HDAC4: variants seen among roughly 807,000 people sequenced by gnomAD.
HDAC4 encodes the protein histone deacetylase A.
In HDAC4, 16 loss-of-function variants were observed where a neutral mutation model predicts 135.1. That is an observed-to-expected ratio of 0.12 (90% CI 0.08 to 0.18). The LOEUF (loss-of-function observed/expected upper bound fraction) is 0.18, where lower values mean the gene tolerates loss of function less well. HDAC4 is among the 10% of genes least tolerant of loss of function. The probability of loss-of-function intolerance (pLI) is 1.00; values close to 1 mark genes in which losing one functional copy is unlikely to be tolerated. For synonymous variants in HDAC4, 685 were observed against 653.4 expected, an observed-to-expected ratio of 1.05 and a Z score of -0.74; for missense variants, 1,143 against 1,511.8, an observed-to-expected ratio of 0.76 and a Z score of 4.05.
intron 2 of HDAC4, among the ~76,000 whole-genome samples, chr2:239,267,648 AG>A (rs2049819851): frequency 6.6e-6 from 1 of 152,276 alleles, no homozygotes; most frequent in Non-Finnish European, 1.5e-5. Context: ...GCAGACCTGG[AG>A]GGCTCCACAG....
At chr2:239,212,561 C>T (rs775387471) in intron 3 of HDAC4, among the ~76,000 whole-genome samples, 1 of 152,218 alleles carries the variant, frequency 6.6e-6, no homozygotes, top group Non-Finnish European at 1.5e-5. Context: ...CTATAAAGAG[C>T]ATGTGACCCC....
intron 2 of HDAC4, among the ~76,000 whole-genome samples, chr2:239,249,686 A>C (rs58616279): frequency 0.12 from 18,212 of 151,836 alleles, 1,206 homozygotes; most frequent in Non-Finnish European, 0.15. Context: ...CCTTTACTCT[A>C]CCCGAAATCT....
At position 239,303,045 on chromosome 2, in the gene HDAC4, C is replaced by G. The variant is rs1044206324; in HGVS notation, c.22+49633G>C. Reference sequence around the variant, plus strand: ...CTGCCACCTCGGGAGTCCTCAAACCCCCCCCGGGTGGGAGAGGTCATCACC... The same window carrying G: ...CTGCCACCTCGGGAGTCCTCAAACCGCCCCCGGGTGGGAGAGGTCATCACC... On this transcript the variant is annotated intron_variant, in intron 2 of 26. Transcript: ENST00000543185. This position sits in a 1 kb window ranked among gnomAD's most constrained non-coding sequence, Gnocchi z 5.1. Among the ~76,000 whole-genome samples, 1 of 152,198 alleles carries G rather than the reference C, an allele frequency of 6.6e-6. No individual in the cohort carries two copies. The highest frequency in any genetic ancestry group is 2.4e-5 in the African/African-American group (1 of 41,460).
chr2:239,236,702 C>T lies in HDAC4; in HGVS notation c.23-38G>A, dbSNP rs367552136. ...GAAGGCACTGGCTTCAGAAACTGCG[C>T]GCATTTCAGCCAACATACTTTATGC... is the stretch of plus-strand genomic sequence containing the variant. On this transcript the variant is annotated intron_variant, in intron 2 of 26. Coordinates refer to ENST00000543185, the MANE Select transcript of HDAC4 (RefSeq NM_001378414.1). 249 of 1,470,988 alleles carry T rather than the reference C, an allele frequency of 1.7e-4. 2 individuals carry two copies. Among genetic ancestry groups the T allele is most frequent in the South Asian group, 7.9e-4 (65 of 82,442 alleles). The allele number at this position is 1,470,988 out of a possible 1,614,324, so 91.1% of individuals were successfully genotyped here. A position where few individuals can be genotyped will look rare whatever the true frequency, so the allele number is the denominator to read the frequency against.
At chr2:239,078,134 G>A (rs1005180089) in intron 22 of HDAC4, among the ~76,000 whole-genome samples, 8 of 152,124 alleles carry the variant, frequency 5.3e-5, no homozygotes, top group African/African-American at 9.7e-5. Context: ...CATCGTCATC[G>A]TCATCTCCCT....
In HDAC4 at chr2:239,178,474, C is replaced by T. The variant is rs545128813; in HGVS notation, c.340-1911G>A. ...TGTTGCCCAGGCTGGTCTCGAACTC[C>T]TGGGCTCAAGCCATTCTCCCACCTC... On this transcript the variant is annotated intron_variant, in intron 4 of 26. Transcript: ENST00000543185. Among the ~76,000 whole-genome samples the T allele has an allele frequency of 5.9e-5, 9 of 152,330 alleles. No homozygotes were observed. The South Asian group carries it at 1.5e-3, about 25-fold the overall frequency.
intron 2 of HDAC4, among the ~76,000 whole-genome samples, chr2:239,271,646 C>T (rs1195872905): frequency 1.3e-5 from 2 of 152,238 alleles, no homozygotes; most frequent in Non-Finnish European, 2.9e-5. Context: ...ATGTTACAGA[C>T]ACAAAGCCTG....
chr2:239,149,886 G>C (rs968242413), intron 7 of HDAC4, among the ~76,000 whole-genome samples: 1 of 152,040 alleles, frequency 6.6e-6, no homozygotes, highest in Non-Finnish European at 1.5e-5. Flanking sequence ...CTCTCAGGCT[G>C]CTGGGGAGGG....
intron 2 of HDAC4, among the ~76,000 whole-genome samples, chr2:239,257,358 A>T (rs2049109425): frequency 6.6e-6 from 1 of 152,196 alleles, no homozygotes. Flanking sequence ...AAGTTAAAAA[A>T]AAACAGTGAA....
At chr2:239,079,369 G>A (rs537132611) in intron 22 of HDAC4, among the ~76,000 whole-genome samples, 2 of 152,346 alleles carry the variant, frequency 1.3e-5, no homozygotes, top group South Asian at 2.1e-4. Flanking sequence ...AACTCCCACC[G>A]GCACAGCCCG....
chr2:239,097,501 C>T (rs1575014114), intron 16 of HDAC4, among the ~76,000 whole-genome samples: 2 of 152,244 alleles, frequency 1.3e-5, no homozygotes, highest in Non-Finnish European at 2.9e-5. Flanking sequence ...TAACACTTCT[C>T]GCCTGAACCT....
At chr2:239,118,065 G>A (rs1034312752) in intron 12 of HDAC4, among the ~76,000 whole-genome samples, 2 of 152,114 alleles carry the variant, frequency 1.3e-5, no homozygotes, top group Admixed American at 6.5e-5. Context: ...CGTATCAGAC[G>A]ACACCGGTCC....
intron 1 of HDAC4, among the ~76,000 whole-genome samples, chr2:239,365,837 C>G (rs1267015035): frequency 5.7e-5 from 8 of 141,412 alleles, no homozygotes; most frequent in South Asian, 2.4e-4. Flanking sequence ...CACGCAGACA[C>G]GCATGCACAG....
upstream of HDAC4, chr2:239,401,587 G>A (rs1266732697): frequency 4.2e-6 from 1 of 239,990 alleles, no homozygotes; most frequent in Non-Finnish European, 8.2e-6. Context: ...GGCACACAAT[G>A]GGGTGCAGGC....
chr2:239,202,155 G>C (rs566564022), intron 3 of HDAC4, among the ~76,000 whole-genome samples: 1 of 152,158 alleles, frequency 6.6e-6, no homozygotes, highest in Admixed American at 6.5e-5. Flanking sequence ...CCTCATCCAC[G>C]AACCTTGGAA....
intron 15 of HDAC4, among the ~76,000 whole-genome samples, chr2:239,107,188 A>G (rs901147911): frequency 3.3e-5 from 5 of 152,188 alleles, no homozygotes; most frequent in African/African-American, 4.8e-5. Flanking sequence ...TCCAGGGTGA[A>G]GAGCACCAGC....
intron 4 of HDAC4, among the ~76,000 whole-genome samples, chr2:239,184,753 GGT>G (rs1274140526): frequency 1.3e-5 from 1 of 79,768 alleles, no homozygotes; most frequent in Non-Finnish European, 2.7e-5. Flanking sequence ...TGTGTCCTAT[GGT>G]GGGGGGTCCC....
At chr2:239,348,677 C>T (rs2125907293) in intron 2 of HDAC4, among the ~76,000 whole-genome samples, 1 of 152,370 alleles carries the variant, frequency 6.6e-6, no homozygotes, top group Non-Finnish European at 1.5e-5. Flanking sequence ...GCATCCTGCC[C>T]TGCCACAGCG....
At chr2:239,232,612 A>G (rs2047645076) in intron 3 of HDAC4, among the ~76,000 whole-genome samples, 1 of 123,614 alleles carries the variant, frequency 8.1e-6, no homozygotes, top group African/African-American at 3.3e-5. Flanking sequence ...CCCCTCACCA[A>G]GCCAAGGGTG....
Sources: allele counts gnomAD v4.1 joint callset (sites outside exome capture counted in the v4.1 genomes callset), GRCh38; gene constraint gnomAD v4.1.1; non-coding constraint Gnocchi (gnomAD v3.1); transcripts MANE v1.5; gene names NCBI Gene and HGNC (gene_info 2026-07-23, HGNC 2026-07-21).